Variants in GPC5 observed in about 807,000 individuals in gnomAD.
GPC5 encodes glypican-5.
In GPC5, 47 loss-of-function variants were observed where a neutral mutation model predicts 53.9. The ratio of observed to expected loss-of-function variants is 0.87; its 90% CI spans 0.69 to 1.11. GPC5 has a LOEUF of 1.11. Among genes scored for constraint, GPC5 ranks in the 50% most tolerant of loss-of-function variants. GPC5 has a pLI of 0.00. For synonymous variants in GPC5, 286 were observed against 263.3 expected, an observed-to-expected ratio of 1.09 and a Z score of -0.84; for missense variants, 748 against 713.1, an observed-to-expected ratio of 1.05 and a Z score of -0.56.
At chr13:91,488,131 T>A (rs574374440) in intron 2 of GPC5, among the ~76,000 whole-genome samples, 1 of 152,214 alleles carries the variant, frequency 6.6e-6, no homozygotes, top group East Asian at 1.9e-4. Context: ...AAGGAACCTG[T>A]TGTTCCAAGT....
intron 5 of GPC5, among the ~76,000 whole-genome samples, chr13:91,882,226 T>A (rs1279134927): frequency 6.6e-6 from 1 of 152,172 alleles, no homozygotes; most frequent in Non-Finnish European, 1.5e-5. Context: ...TGGTTTTTAT[T>A]TTAAAAAATA....
chr13:92,493,974 TATA>T (rs1287919952), intron 7 of GPC5, among the ~76,000 whole-genome samples: 3 of 152,344 alleles, frequency 2.0e-5, no homozygotes, highest in East Asian at 3.9e-4. Context: ...AATACAAAAA[TATA>T]ATTCACAATT....
intron 7 of GPC5, among the ~76,000 whole-genome samples, chr13:92,600,151 T>A (rs1212914963): frequency 1.1e-4 from 16 of 152,214 alleles, no homozygotes. Flanking sequence ...CCATGTGTTT[T>A]TCAAGTGTCT....
chr13:91,805,509 A>G (rs912030848), intron 5 of GPC5, among the ~76,000 whole-genome samples: 27 of 152,328 alleles, frequency 1.8e-4, no homozygotes, highest in African/African-American at 5.8e-4. Flanking sequence ...GTAAGCATGT[A>G]TCTCGCAACA....
intron 7 of GPC5, among the ~76,000 whole-genome samples, chr13:92,567,730 C>T (rs1214028119): frequency 2.0e-5 from 3 of 152,112 alleles, no homozygotes; most frequent in Non-Finnish European, 4.4e-5. Flanking sequence ...TCCTTTGGCG[C>T]TTCCAGGGGA....
At chr13:91,531,752 T>C (rs113762815) in intron 2 of GPC5, among the ~76,000 whole-genome samples, 2 of 152,332 alleles carry the variant, frequency 1.3e-5, no homozygotes, top group Admixed American at 6.5e-5. Flanking sequence ...GGAACTGGTA[T>C]GTGTGATAAA....
chr13:92,774,151 CAAG>C (rs1175530365), intron 7 of GPC5, among the ~76,000 whole-genome samples: 3 of 152,158 alleles, frequency 2.0e-5, no homozygotes, highest in Admixed American at 6.5e-5. Context: ...TTTAAATGCT[CAAG>C]AAGAACATAT....
chr13:91,502,124 C>T (rs890320332), intron 2 of GPC5, among the ~76,000 whole-genome samples: 6 of 151,964 alleles, frequency 3.9e-5, no homozygotes, highest in Non-Finnish European at 7.4e-5. Flanking sequence ...TGTTTGAGTT[C>T]ATTGTAGATT....
At chr13:91,494,701 G>T (rs979996997) in intron 2 of GPC5, among the ~76,000 whole-genome samples, 4 of 152,162 alleles carry the variant, frequency 2.6e-5, no homozygotes, top group Non-Finnish European at 5.9e-5. Flanking sequence ...GTAGGGGACA[G>T]GGTGATCACT....
chr13:92,430,194 C>T (rs537730030), intron 7 of GPC5, among the ~76,000 whole-genome samples: 1 of 152,020 alleles, frequency 6.6e-6, no homozygotes, highest in South Asian at 2.1e-4. Context: ...GCTCATTTAC[C>T]TATCCTGTTT....
At chr13:91,633,191 G>T (rs1172117610) in intron 2 of GPC5, among the ~76,000 whole-genome samples, 2 of 152,158 alleles carry the variant, frequency 1.3e-5, no homozygotes, top group African/African-American at 4.8e-5. Flanking sequence ...CTCCTTCAGT[G>T]TTGCAAATGC....
chr13:92,816,861 C>T (rs1475883530), intron 7 of GPC5, among the ~76,000 whole-genome samples: 2 of 152,036 alleles, frequency 1.3e-5, no homozygotes, highest in East Asian at 3.9e-4. Flanking sequence ...TATGTAAACT[C>T]CATGTCCAGT....
chr13:92,342,450 G>A (rs1257584741), intron 7 of GPC5, among the ~76,000 whole-genome samples: 2 of 152,014 alleles, frequency 1.3e-5, no homozygotes, highest in Non-Finnish European at 2.9e-5. Context: ...TTTGAGTCAT[G>A]AGTCCTCCGC....
At chr13:92,313,452 A>C (rs747507256) in intron 7 of GPC5, among the ~76,000 whole-genome samples, 1 of 152,208 alleles carries the variant, frequency 6.6e-6, no homozygotes, top group Non-Finnish European at 1.5e-5. Flanking sequence ...TTTACAAGTA[A>C]TTTGTGACAA....
At chr13:92,840,294 A>C (rs920369416) in intron 7 of GPC5, among the ~76,000 whole-genome samples, 1 of 151,786 alleles carries the variant, frequency 6.6e-6, no homozygotes, top group African/African-American at 2.4e-5. Flanking sequence ...TTACTGATGA[A>C]AATATGAGTT....
At chr13:92,185,342 A>G (rs922356029) in intron 7 of GPC5, among the ~76,000 whole-genome samples, 8 of 152,172 alleles carry the variant, frequency 5.3e-5, no homozygotes, top group African/African-American at 1.4e-4. Context: ...ATGGACATAG[A>G]TATCACTTAC....
intron 6 of GPC5, among the ~76,000 whole-genome samples, chr13:92,094,581 A>G (rs1430752688): frequency 6.6e-6 from 1 of 151,644 alleles, no homozygotes; most frequent in African/African-American, 2.4e-5. Flanking sequence ...ATTATTTTCA[A>G]AAAAGAAAAT....
chr13:92,222,282 A>C (rs2042455311), intron 7 of GPC5, among the ~76,000 whole-genome samples: 1 of 152,206 alleles, frequency 6.6e-6, no homozygotes, highest in Non-Finnish European at 1.5e-5. Flanking sequence ...AAATAACACT[A>C]AATAACTGGT....
rs1410381856 is a variant in GPC5, at chr13:92,527,243, AAGAAAGAGAAAGAAAG to A, written c.1562-339037_1562-339022del. Among the ~76,000 whole-genome samples, 64 of 36,696 alleles carry A rather than the reference AAGAAAGAGAAAGAAAG, an allele frequency of 1.7e-3. 5 individuals carry two copies. Among genetic ancestry groups the A allele is most frequent in the African/African-American group, 8.4e-3 (61 of 7,260 alleles). The allele number at this position is 36,696 out of a possible 152,430, so 24.1% of individuals were successfully genotyped here. ...AAAGAAAGAAAGAAAGAAAGAAAGA[AAGAAAGAGAAAGAAAG>A]AAAGAAAGAAAGAAAGAAAGAAAAA... On this transcript the variant is annotated intron_variant, in intron 7 of 7. Transcript: ENST00000377067.
Sources: allele counts gnomAD v4.1 joint callset (sites outside exome capture counted in the v4.1 genomes callset), GRCh38; gene constraint gnomAD v4.1.1; transcripts MANE v1.5; gene names NCBI Gene and HGNC (gene_info 2026-07-23, HGNC 2026-07-21).